Variants in THEM4 observed in about 807,000 individuals in gnomAD.
THEM4 encodes the protein acyl-coenzyme A thioesterase THEM4.
In THEM4, 22 loss-of-function variants were observed where a neutral mutation model predicts 25.0. That is an observed-to-expected ratio of 0.88 (90% confidence interval 0.63 to 1.26). THEM4 has a LOEUF of 1.26. Among genes scored for constraint, THEM4 ranks in the 50% most tolerant of loss-of-function variants. The pLI is 0.00. For synonymous variants in THEM4, 113 were observed against 105.6 expected (o/e 1.07, Z -0.43); for missense variants, 286 against 300.3 (o/e 0.95, Z 0.35).
At position 151,873,275 on chromosome 1, in the gene THEM4, C is replaced by T. The variant is rs894672263; in HGVS notation, c.*1613G>A. Among the ~76,000 whole-genome samples, 1 of 152,196 alleles carries T rather than the reference C, an allele frequency of 6.6e-6. No individual in the cohort carries two copies. The highest frequency in any genetic ancestry group is 2.4e-5 in the African/African-American group (1 of 41,454). ...ACCTTCTCCCCACTATCACCCTGTT[C>T]TCCTGCTGCATTCCCCTTGCCGAGA... is the stretch of plus-strand genomic sequence containing the variant. On this transcript the variant is annotated 3_prime_UTR_variant, in exon 6 of 6. Transcript: ENST00000368814.
intron 4 of THEM4, 112 bp from the exon 5 acceptor site, chr1:151,877,237 T>A: frequency 8.8e-7 from 1 of 1,131,254 alleles, no homozygotes; most frequent in East Asian, 2.5e-5. Context: ...CTGACAACAA[T>A]GAGCACTGAC....
In THEM4 at chr1:151,893,078, G is replaced by A. The variant is rs371980948; in HGVS notation, c.286+1930C>T. Among the ~76,000 whole-genome samples, 8 of 152,236 alleles carry A rather than the reference G, an allele frequency of 5.3e-5. No homozygotes were observed. In the East Asian group the frequency reaches 1.4e-3, roughly 26 times the overall value. On this transcript the variant is annotated intron_variant, in intron 2 of 5. Transcript: ENST00000368814. Reference sequence around the variant, plus strand: ...TGGCAAGAGCTGTTTTGAGGGAGTGGGTTCAAGATAGGCTGGGCACAGTGG... The same window carrying A: ...TGGCAAGAGCTGTTTTGAGGGAGTGAGTTCAAGATAGGCTGGGCACAGTGG...
chr1:151,877,793 T>C (rs982116763), intron 4 of THEM4, among the ~76,000 whole-genome samples: 1 of 152,212 alleles, frequency 6.6e-6, no homozygotes, highest in Non-Finnish European at 1.5e-5. Context: ...AATAGCTACA[T>C]GTGACTAGTG....
At position 151,872,120 on chromosome 1, in the gene THEM4, A is replaced by G. The variant is rs1653566527; in HGVS notation, c.*2768T>C. 6.6e-6 allele frequency among the ~76,000 whole-genome samples: 1 copy of G among 151,946 alleles called. No homozygotes were observed. The highest frequency in any genetic ancestry group is 6.5e-5 in the Admixed American group (1 of 15,268). ...CTCTCTCAGAATTTCTGGGAGAAGG[A>G]ACTGCCAGCTTCACCCCTGCAGTGC... On this transcript the variant is annotated 3_prime_UTR_variant, in exon 6 of 6. Transcript: ENST00000368814.
intron 5 of THEM4, among the ~76,000 whole-genome samples, chr1:151,876,147 G>A (rs1653666111): frequency 6.6e-6 from 1 of 152,152 alleles, no homozygotes; most frequent in South Asian, 2.1e-4. Flanking sequence ...TCCTGAGACA[G>A]TCTACACACA....
Position 151,905,406 on chromosome 1 carries a change from CT to C in THEM4, c.99+3953del, listed in dbSNP as rs779252296. On this transcript the variant is annotated intron_variant, in intron 1 of 5. Coordinates refer to ENST00000368814, the MANE Select transcript of THEM4 (RefSeq NM_053055.5). The stretch of plus-strand genomic sequence containing the variant: ...ACTTAGATGAATTGAGAAGAAAGTC[CT>C]TTTTTTTTTTGAGACAGAGTCTCAC... Among the ~76,000 whole-genome samples the C allele has an allele frequency of 3.0e-3, 435 of 147,300 alleles. 1 individual carries two copies. Among genetic ancestry groups the C allele is most frequent in the African/African-American group, 8.8e-3 (358 of 40,480 alleles).
chr1:151,871,240 G>A lies in THEM4; in HGVS notation c.*3648C>T, dbSNP rs958411910. Among the ~76,000 whole-genome samples the A allele has an allele frequency of 2.7e-5, 4 of 150,186 alleles. No individual in the cohort carries two copies. The highest frequency in any genetic ancestry group is 3.4e-3 in the Middle Eastern group (1 of 294). ...CTTGGGAGGCTGAGGCAGGAGAATC[G>A]CTTGAACCTGGGAGGTGGAGGTTGC... On this transcript the variant is annotated 3_prime_UTR_variant, in exon 6 of 6. Coordinates refer to ENST00000368814, the MANE Select transcript of THEM4 (RefSeq NM_053055.5).
intron 1 of THEM4, among the ~76,000 whole-genome samples, chr1:151,901,840 T>C (rs1157178034): frequency 4.0e-5 from 6 of 151,780 alleles, no homozygotes; most frequent in African/African-American, 4.8e-5. Flanking sequence ...CGAAACTCTG[T>C]CTCAGAAAAA....
chr1:151,900,598 C>T (rs1261270254), intron 1 of THEM4, among the ~76,000 whole-genome samples: 1 of 152,180 alleles, frequency 6.6e-6, no homozygotes, highest in African/African-American at 2.4e-5. Context: ...GGACATTATA[C>T]AATGGTAAAA....
At chr1:151,881,895 TG>T (rs1479142473) in intron 4 of THEM4, among the ~76,000 whole-genome samples, 2 of 152,242 alleles carry the variant, frequency 1.3e-5, no homozygotes, top group African/African-American at 4.8e-5. Context: ...CCTTAAATAC[TG>T]GATCTCTTCA....
intron 4 of THEM4, among the ~76,000 whole-genome samples, chr1:151,879,659 CTTTTTTT>C (rs60809136): frequency 2.2e-5 from 3 of 135,418 alleles, no homozygotes; most frequent in Non-Finnish European, 4.8e-5. Context: ...CTTTTCTTTT[CTTTTTTT>C]TTTTTTTTGA....
intron 4 of THEM4, among the ~76,000 whole-genome samples, chr1:151,885,238 C>G (rs981679007): frequency 1.3e-5 from 2 of 152,106 alleles, no homozygotes; most frequent in African/African-American, 2.4e-5. Context: ...TCTGCCTCAG[C>G]CCCCCAAATA....
intron 1 of THEM4, among the ~76,000 whole-genome samples, chr1:151,905,565 TA>T (rs1654439928): frequency 6.6e-6 from 1 of 152,138 alleles, no homozygotes; most frequent in Non-Finnish European, 1.5e-5. Context: ...CCAAAGGCAG[TA>T]ACAGGCAAAG....
At position 151,889,335 on chromosome 1, in the gene THEM4, G is replaced by A; in HGVS notation, c.325C>T (p.Gln109Ter). Reference sequence around the variant, plus strand: ...TCATCAAAGCTTCTGGTGAAGAGCTGGGCCTGTGACATTTGTTCTTCTTTC... The same window carrying A: ...TCATCAAAGCTTCTGGTGAAGAGCTAGGCCTGTGACATTTGTTCTTCTTTC... ...LMKEEQMSQAQLFTRSFDDGL... is the reference protein window; with the variant it reads ...LMKEEQMSQA The change falls in exon 3 of 6, where the codon CAG becomes TAG. Residue 109 changes from glutamine to a stop codon, truncating the protein, a stop_gained. Coordinates refer to ENST00000368814, the MANE Select transcript of THEM4 (RefSeq NM_053055.5). LOFTEE classifies it high-confidence loss of function. 6.2e-7 allele frequency: 1 copy of A among 1,614,032 alleles called. No homozygotes were observed. Among genetic ancestry groups the A allele is most frequent in the African/African-American group, 1.3e-5 (1 of 75,064 alleles).
At chr1:151,902,558 A>C (rs565291543) in intron 1 of THEM4, among the ~76,000 whole-genome samples, 1 of 152,362 alleles carries the variant, frequency 6.6e-6, no homozygotes, top group East Asian at 1.9e-4. Flanking sequence ...TATAATGCTC[A>C]GGTGATGGGT....
chr1:151,905,479 T>C (rs1654437272), intron 1 of THEM4, among the ~76,000 whole-genome samples: 1 of 151,914 alleles, frequency 6.6e-6, no homozygotes, highest in Admixed American at 6.6e-5. Flanking sequence ...CCTGAGGAAG[T>C]GAGGCAGGAA....
chr1:151,875,024 G>C (rs906457373), intron 5 of THEM4, 96 bp from the exon 6 acceptor site: 5 of 1,019,278 alleles, frequency 4.9e-6, no homozygotes, highest in Non-Finnish European at 7.7e-6. Flanking sequence ...AGAAGGATTT[G>C]ATTCACATTT....
intron 1 of THEM4, among the ~76,000 whole-genome samples, chr1:151,905,133 G>A (rs552691530): frequency 5.3e-5 from 8 of 152,270 alleles, no homozygotes; most frequent in Admixed American, 1.3e-4. Context: ...GTAAGACAGC[G>A]AAGTAAAAAG....
chr1:151,885,083 TTTTATTTA>T (rs146473655), intron 4 of THEM4, among the ~76,000 whole-genome samples: 9,954 of 145,530 alleles, frequency 0.068, 660 homozygotes, highest in African/African-American at 0.17. Context: ...TGATTTCATC[TTTTATTTA>T]TTTATTTATT....
Sources: gnomAD v4.1 joint callset for allele counts (sites outside exome capture counted in the v4.1 genomes callset) on GRCh38, gnomAD v4.1.1 for gene constraint, MANE v1.5 for transcripts, NCBI Gene and HGNC (gene_info 2026-07-23, HGNC 2026-07-21) for gene names.